Variants in SNRPN observed in about 807,000 individuals in gnomAD.
The protein encoded by SNRPN is small nuclear ribonucleoprotein polypeptide N.
Under a neutral mutation model 25.2 loss-of-function variants are expected in SNRPN, and 7 were observed. That is an observed-to-expected ratio of 0.28 (90% CI 0.16 to 0.52). SNRPN has a LOEUF of 0.52. Ranked by LOEUF, SNRPN falls within the 20% of genes least tolerant of loss-of-function variation. SNRPN has a pLI of 0.96. For synonymous variants in SNRPN, 124 were observed against 110.6 expected (o/e 1.12, Z -0.76); for missense variants, 196 against 322.5 (o/e 0.61, Z 3.00).
chr15:24,919,044 TATATATGTGCGCATATATATATAACATA>T (rs2059866741), intron 2 of SNRPN, among the ~76,000 whole-genome samples: 4 of 144,566 alleles, frequency 2.8e-5, no homozygotes, highest in African/African-American at 1.0e-4. Context: ...TATAACATAA[TATATATGTGCGCATATATATATAACATA>T]ATATATATGT....
chr15:24,846,810 G>C (rs1261857802), intron 2 of SNRPN, among the ~76,000 whole-genome samples: 4 of 152,128 alleles, frequency 2.6e-5, no homozygotes, highest in East Asian at 1.9e-4. Context: ...GATTTTTATA[G>C]TTTTCTAAGG....
intron 2 of SNRPN, among the ~76,000 whole-genome samples, chr15:24,848,129 CAG>C (rs1018561522): frequency 5.3e-5 from 8 of 151,656 alleles, no homozygotes; most frequent in Non-Finnish European, 8.8e-5. Flanking sequence ...TCCAACCTCA[CAG>C]GGCGGCCCGC....
chr15:24,962,052 C>G, intron 1 of SNRPN, 62 bp from the exon 2 acceptor site: 1 of 1,320,550 alleles, frequency 7.6e-7, no homozygotes. Context: ...ATAACCTTGA[C>G]AAATAGTTAT....
chr15:24,852,759 T>TA (rs574131991), upstream of SNRPN, among the ~76,000 whole-genome samples: 93 of 151,858 alleles, frequency 6.1e-4, no homozygotes, highest in Non-Finnish European at 1.2e-3. Flanking sequence ...ACGCTGTTTC[T>TA]AAAAAAAATG....
At chr15:24,884,972 T>G (rs1265116443) in intron 1 of SNRPN, among the ~76,000 whole-genome samples, 1 of 152,152 alleles carries the variant, frequency 6.6e-6, no homozygotes, top group African/African-American at 2.4e-5. Context: ...GAGAAATGCC[T>G]TGTATTTAAG....
intron 2 of SNRPN, among the ~76,000 whole-genome samples, chr15:24,918,456 CATAATATATATGTGTATATATATAACAT>C (rs2059703427): frequency 8.7e-6 from 1 of 115,036 alleles, no homozygotes; most frequent in Non-Finnish European, 1.8e-5. Flanking sequence ...ATATATATAA[CATAATATATATGTGTATATATATAACAT>C]AATATATATG....
rs1234457694 is a variant in SNRPN, at chr15:24,929,795, G to A, written c.-391+9671G>A. 1.3e-5 allele frequency among the ~76,000 whole-genome samples: 2 copies of A among 152,188 alleles called. No homozygotes were observed. Among genetic ancestry groups the A allele is most frequent in the African/African-American group, 4.8e-5 (2 of 41,448 alleles). ...TCTGTCAGTATCAGTTTCTGCAAGA[G>A]CAAAAATTACATATTTTTATTTTTC... On this transcript the variant is annotated intron_variant, in intron 3 of 11. Coordinates refer to the SNRPN transcript ENST00000400097. The surrounding 1 kb of genome is among the most constrained non-coding windows in gnomAD (Gnocchi z 5.3).
At chr15:24,966,005 G>C (rs1596268207) in intron 2 of SNRPN, among the ~76,000 whole-genome samples, 1 of 151,972 alleles carries the variant, frequency 6.6e-6, no homozygotes, top group Non-Finnish European at 1.5e-5. Flanking sequence ...CTATGAATTA[G>C]AGTATAAAGT....
In SNRPN at chr15:24,968,137, T is replaced by C; in HGVS notation, c.-144+55T>C. 6 of 1,027,868 alleles carry C rather than the reference T, an allele frequency of 5.8e-6. No homozygotes were observed. The South Asian group carries it at 7.9e-5, about 13-fold the overall frequency. 63.7% of individuals were successfully genotyped at this position (1,027,868 alleles called of 1,614,324 possible). On this transcript the variant is annotated intron_variant, in intron 3 of 9. Transcript: ENST00000390687. ...TAAAGAATCATTAAAGAATGGGGTGTTGGGGGTTCTCTTAATTATCAGTGA... is the reference window on the plus strand; with the variant it reads ...TAAAGAATCATTAAAGAATGGGGTGCTGGGGGTTCTCTTAATTATCAGTGA...
intron 2 of SNRPN, among the ~76,000 whole-genome samples, chr15:24,833,283 A>G (rs1468027377): frequency 1.3e-5 from 2 of 151,900 alleles, no homozygotes; most frequent in Admixed American, 6.6e-5. Context: ...TTAGAATGGA[A>G]CAGAATGTTT....
chr15:24,888,081 T>C (rs1048729658), intron 2 of SNRPN, among the ~76,000 whole-genome samples: 7 of 151,668 alleles, frequency 4.6e-5, no homozygotes, highest in Non-Finnish European at 8.8e-5. Flanking sequence ...TATTTTACCG[T>C]AATATAAAAT....
intron 3 of SNRPN, among the ~76,000 whole-genome samples, chr15:24,933,829 G>A (rs1162437307): frequency 3.3e-5 from 5 of 152,136 alleles, no homozygotes; most frequent in Admixed American, 6.6e-5. Flanking sequence ...GGTAAGATAC[G>A]GGGAAGTCCA....
intron 2 of SNRPN, among the ~76,000 whole-genome samples, chr15:24,889,245 G>T (rs1409075266): frequency 6.6e-6 from 1 of 151,726 alleles, no homozygotes; most frequent in Non-Finnish European, 1.5e-5. Flanking sequence ...AGAAGAAAAA[G>T]AAAATTTGAT....
intron 2 of SNRPN, among the ~76,000 whole-genome samples, chr15:24,843,678 T>A (rs755988990): frequency 6.6e-6 from 1 of 151,898 alleles, no homozygotes; most frequent in Non-Finnish European, 1.5e-5. Context: ...TCCCAGCTAC[T>A]CAGGAAGCTG....
chr15:24,942,906 C>A (rs2061643064), intron 3 of SNRPN, among the ~76,000 whole-genome samples: 1 of 152,132 alleles, frequency 6.6e-6, no homozygotes, highest in African/African-American at 2.4e-5. Flanking sequence ...CGTTTATAAT[C>A]CCATTGGGCA....
Position 24,967,994 on chromosome 15 carries a change from A to G in SNRPN, c.-232A>G, listed in dbSNP as rs781290013. The G allele has an allele frequency of 6.2e-7, 1 of 1,614,096 alleles. No homozygotes were observed. The highest frequency in any genetic ancestry group is 8.5e-7 in the Non-Finnish European group (1 of 1,180,014). On this transcript the variant is annotated 5_prime_UTR_variant, in exon 3 of 10. Coordinates refer to ENST00000390687, the MANE Select transcript of SNRPN (RefSeq NM_003097.6). ...GTACCTGTGGTGGATTTCCAGGCTG[A>G]ACTGAGGCAGGCATTCTTAGCTGAG...
chr15:24,942,966 C>T (rs1472718156), intron 3 of SNRPN, among the ~76,000 whole-genome samples: 1 of 151,646 alleles, frequency 6.6e-6, no homozygotes. Flanking sequence ...TCACCCTATC[C>T]ACTTTGTCAT....
intron 2 of SNRPN, among the ~76,000 whole-genome samples, chr15:24,892,244 C>A (rs1282363089): frequency 1.3e-5 from 2 of 152,078 alleles, no homozygotes; most frequent in African/African-American, 4.8e-5. Context: ...GACTCTGAGT[C>A]CCTTGACAGC....
chr15:24,920,499 C>T (rs2059963643), intron 3 of SNRPN: 1 of 152,084 alleles, frequency 6.6e-6, no homozygotes, highest in Non-Finnish European at 1.5e-5. Flanking sequence ...GAAGAATCTG[C>T]ATTTCGAACA....
Sources: allele counts gnomAD v4.1 joint callset (sites outside exome capture counted in the v4.1 genomes callset), GRCh38; gene constraint gnomAD v4.1.1; non-coding constraint Gnocchi (gnomAD v3.1); transcripts MANE v1.5; gene names NCBI Gene and HGNC (gene_info 2026-07-23, HGNC 2026-07-21).